Variants in DNER observed in about 807,000 individuals in gnomAD.
The protein encoded by DNER is delta/notch like EGF repeat containing.
DNER carries 33 observed loss-of-function variants against 78.2 expected under a neutral mutation model. The ratio of observed to expected loss-of-function variants is 0.42; its 90% CI spans 0.32 to 0.56. DNER has a LOEUF of 0.56. Among genes scored for constraint, DNER ranks in the 20% least tolerant of loss-of-function variants. The pLI is 0.11. For missense variants in DNER, 918 were observed against 975.3 expected (o/e 0.94, Z 0.78); for synonymous variants, 417 against 384.8 (o/e 1.08, Z -0.98).
chr2:229,594,670 C>A (rs1476280412), intron 1 of DNER, among the ~76,000 whole-genome samples: 1 of 151,956 alleles, frequency 6.6e-6, no homozygotes, highest in Non-Finnish European at 1.5e-5. Context: ...TACTAGGAGA[C>A]CATGTCTTCT....
intron 3 of DNER, chr2:229,587,275 G>A (rs1397878922): frequency 6.6e-6 from 1 of 152,452 alleles, no homozygotes; most frequent in African/African-American, 2.4e-5. Context: ...AAACGCTTAG[G>A]ACCGGGGTCC....
At chr2:229,404,933 G>A (rs3085430) in intron 10 of DNER, among the ~76,000 whole-genome samples, 147,553 of 152,160 alleles carry the variant, frequency 0.97, 71,697 homozygotes, top group Middle Eastern at 1. Context: ...TGTAATTATG[G>A]ACTAAAATAT....
chr2:229,460,518 CT>C (rs570245683), intron 7 of DNER, among the ~76,000 whole-genome samples: 25 of 151,950 alleles, frequency 1.6e-4, no homozygotes, highest in Non-Finnish European at 2.9e-4. Context: ...TTCAGGAGAA[CT>C]TTTTTTCATA....
At chr2:229,547,182 A>G in intron 4 of DNER, 90 bp from the exon 5 acceptor site, 1 of 1,527,882 alleles carries the variant, frequency 6.5e-7, no homozygotes, top group East Asian at 2.3e-5. Context: ...TTTCTACAAG[A>G]CTATGAATTT....
At chr2:229,507,744 A>G (rs2154212164) in intron 6 of DNER, among the ~76,000 whole-genome samples, 1 of 152,328 alleles carries the variant, frequency 6.6e-6, no homozygotes, top group East Asian at 1.9e-4. Context: ...ATATATGTAA[A>G]TCAAATTCAT....
At chr2:229,701,020 G>A (rs957687868) in intron 1 of DNER, among the ~76,000 whole-genome samples, 1 of 152,086 alleles carries the variant, frequency 6.6e-6, no homozygotes, top group African/African-American at 2.4e-5. Context: ...TATTTACATA[G>A]GCTTCACATA....
intron 8 of DNER, among the ~76,000 whole-genome samples, chr2:229,419,839 G>A (rs1343019936): frequency 6.6e-6 from 1 of 150,484 alleles, no homozygotes; most frequent in African/African-American, 2.5e-5. Flanking sequence ...CAGCAATTTT[G>A]TCCCCCAAAG....
At chr2:229,426,182 C>G (rs1373326558) in intron 8 of DNER, among the ~76,000 whole-genome samples, 1 of 152,000 alleles carries the variant, frequency 6.6e-6, no homozygotes, top group Non-Finnish European at 1.5e-5. Flanking sequence ...TGGTTCACAC[C>G]TATAATCCCA....
intron 10 of DNER, among the ~76,000 whole-genome samples, chr2:229,388,659 A>T (rs2106336297): frequency 7.9e-6 from 1 of 127,184 alleles, no homozygotes; most frequent in South Asian, 2.6e-4. Context: ...CACTGGTAAA[A>T]AGAATCTTTC....
intron 1 of DNER, among the ~76,000 whole-genome samples, chr2:229,626,514 C>A (rs571948449): frequency 6.6e-6 from 1 of 152,168 alleles, no homozygotes; most frequent in African/African-American, 2.4e-5. Context: ...TACAGAGAAT[C>A]GGGCAATTAC....
At chr2:229,660,870 T>C (rs1162094138) in intron 1 of DNER, among the ~76,000 whole-genome samples, 2 of 152,116 alleles carry the variant, frequency 1.3e-5, no homozygotes, top group South Asian at 2.1e-4. Context: ...GAAAAAGATA[T>C]GTCTTAAAAC....
At chr2:229,593,959 A>G (rs1354205806) in intron 1 of DNER, among the ~76,000 whole-genome samples, 1 of 152,254 alleles carries the variant, frequency 6.6e-6, no homozygotes, top group Non-Finnish European at 1.5e-5. Context: ...TGCGCAGCTT[A>G]GAGAATGACA....
At chr2:229,700,856 G>A (rs1040656340) in intron 1 of DNER, among the ~76,000 whole-genome samples, 3 of 149,946 alleles carry the variant, frequency 2.0e-5, no homozygotes, top group African/African-American at 7.4e-5. Context: ...AGGAGCCACT[G>A]CACTCCAGCC....
intron 7 of DNER, among the ~76,000 whole-genome samples, chr2:229,450,459 T>C (rs571452742): frequency 6.6e-6 from 1 of 152,332 alleles, no homozygotes; most frequent in South Asian, 2.1e-4. Flanking sequence ...TGGGTTAAAT[T>C]GCGTCCCTCC....
At chr2:229,512,190 C>T (rs62192054) in intron 6 of DNER, among the ~76,000 whole-genome samples, 6,021 of 152,134 alleles carry the variant, frequency 0.04, 139 homozygotes, top group East Asian at 0.11. Flanking sequence ...CAAGACCAGC[C>T]TAGCCAACAT....
intron 11 of DNER, among the ~76,000 whole-genome samples, chr2:229,370,183 A>C (rs1692449173): frequency 6.6e-6 from 1 of 152,202 alleles, no homozygotes; most frequent in South Asian, 2.1e-4. Context: ...TCTGAAGAAG[A>C]GCACAGATAG....
intron 8 of DNER, among the ~76,000 whole-genome samples, chr2:229,435,539 G>A (rs757704724): frequency 3.3e-5 from 5 of 152,180 alleles, no homozygotes; most frequent in Non-Finnish European, 7.3e-5. Context: ...AAACCACAAA[G>A]ATAAACTTTT....
At position 229,489,168 on chromosome 2, in the gene DNER, A is replaced by G. The variant is rs1422146319; in HGVS notation, c.1148-11915T>C. 2.6e-5 allele frequency among the ~76,000 whole-genome samples: 4 copies of G among 152,250 alleles called. No homozygotes were observed. The East Asian group carries it at 7.7e-4, about 29-fold the overall frequency. ...CAGGCCCTGGCTTCGTAAGTATCAC[A>G]TCGGCAGCTGTGAGTAAGGCAGCAT... On this transcript the variant is annotated intron_variant, in intron 6 of 12. Transcript: ENST00000341772.
chr2:229,454,892 T>A (rs931588620), intron 7 of DNER, among the ~76,000 whole-genome samples: 4 of 152,130 alleles, frequency 2.6e-5, no homozygotes, highest in African/African-American at 9.7e-5. Context: ...GAAAGTGGGA[T>A]ATAAAATGCT....
Sources: allele counts gnomAD v4.1 joint callset (sites outside exome capture counted in the v4.1 genomes callset), GRCh38; gene constraint gnomAD v4.1.1; transcripts MANE v1.5; gene names NCBI Gene and HGNC (gene_info 2026-07-23, HGNC 2026-07-21).